Variants in SPTLC1 observed in about 807,000 individuals in gnomAD.
SPTLC1 encodes serine palmitoyltransferase long chain base subunit 1.
SPTLC1 carries 55 observed loss-of-function variants against 68.9 expected under a neutral mutation model. That is an observed-to-expected ratio of 0.80 (90% CI 0.64 to 1.00). The LOEUF (loss-of-function observed/expected upper bound fraction) is 1.00. SPTLC1 is among the 50% of genes least tolerant of loss of function. The pLI, the probability that SPTLC1 is intolerant of heterozygous loss-of-function variation, is 0.00. For synonymous variants in SPTLC1, 197 were observed against 201.6 expected (o/e 0.98, Z 0.19); for missense variants, 449 against 573.1 (o/e 0.78, Z 2.21).
intron 3 of SPTLC1, among the ~76,000 whole-genome samples, chr9:92,085,741 G>C (rs1178476013): frequency 4.6e-5 from 7 of 152,182 alleles, no homozygotes; most frequent in African/African-American, 1.7e-4. Context: ...GGAGAGTTCT[G>C]TAGATGTCTG....
chr9:92,112,595 A>G, intron 1 of SPTLC1, 33 bp from the exon 2 acceptor site: 1 of 1,375,688 alleles, frequency 7.3e-7, no homozygotes, highest in East Asian at 2.3e-5. Context: ...TAAGATATGA[A>G]ACATACACTT....
chr9:92,105,414 A>G, intron 3 of SPTLC1: 1 of 1,476,866 alleles, frequency 6.8e-7, no homozygotes, highest in Admixed American at 2.0e-5. Flanking sequence ...AGGAGAAAGA[A>G]GAGACAGCAG....
chr9:92,048,974 T>C (rs1433478122), intron 9 of SPTLC1, among the ~76,000 whole-genome samples: 2 of 152,222 alleles, frequency 1.3e-5, no homozygotes, highest in South Asian at 2.1e-4. Flanking sequence ...AGTTCAAGTT[T>C]TTTCCTCCAT....
At chr9:92,110,463 C>T (rs1449507735) in intron 2 of SPTLC1, 1 of 152,132 alleles carries the variant, frequency 6.6e-6, no homozygotes, top group Non-Finnish European at 1.5e-5. Context: ...CCATTCTAAT[C>T]CTAGGCCTAA....
At chr9:92,042,021 T>G (rs1270710030) in intron 12 of SPTLC1, among the ~76,000 whole-genome samples, 1 of 152,016 alleles carries the variant, frequency 6.6e-6, no homozygotes, top group Non-Finnish European at 1.5e-5. Context: ...AGTCCAGGAG[T>G]TTGAGGCTAT....
chr9:92,078,442 A>G (rs778070542), intron 5 of SPTLC1, among the ~76,000 whole-genome samples: 2 of 152,200 alleles, frequency 1.3e-5, no homozygotes, highest in Admixed American at 6.5e-5. Flanking sequence ...AATGGAAGTC[A>G]GGATACTTGG....
chr9:92,058,608 T>C (rs975384861), intron 7 of SPTLC1, among the ~76,000 whole-genome samples: 2 of 152,122 alleles, frequency 1.3e-5, no homozygotes, highest in African/African-American at 4.8e-5. Flanking sequence ...TATGTTAGGT[T>C]CTCGAGAGGA....
rs781435924 is a variant in SPTLC1 at position 92,059,229 on chromosome 9, T to C, written c.640A>G (p.Met214Val). 6.8e-6 allele frequency: 11 copies of C among 1,614,000 alleles called. No homozygotes were observed. The highest frequency in any genetic ancestry group is 6.7e-5 in the African/African-American group (5 of 74,946). The change falls in exon 7 of 15, where the codon ATG becomes GTG. Residue 214 changes from methionine (M) to valine (V), a missense_variant. Coordinates refer to ENST00000262554, the MANE Select transcript of SPTLC1 (RefSeq NM_006415.4). ...SDIKLFKHND[M>V]ADLERLLKEQ... ...TTTAGTAGTCGCTCGAGGTCAGCCA[T>C]GTCATTATGCTTAAATAACTTAATG...
intron 8 of SPTLC1, among the ~76,000 whole-genome samples, chr9:92,053,570 C>G (rs1017143254): frequency 6.6e-6 from 1 of 152,172 alleles, no homozygotes; most frequent in African/African-American, 2.4e-5. Flanking sequence ...ATGCAATGGA[C>G]TATAACTCAG....
intron 3 of SPTLC1, among the ~76,000 whole-genome samples, chr9:92,088,252 A>G (rs1564109029): frequency 6.6e-6 from 1 of 152,224 alleles, no homozygotes; most frequent in Non-Finnish European, 1.5e-5. Context: ...CGCTGCACCC[A>G]CTGTCCTGCG....
intron 4 of SPTLC1, 33 bp from the exon 5 acceptor site, chr9:92,080,121 ATTTATC>A (rs757313587): frequency 7.7e-6 from 12 of 1,563,524 alleles, no homozygotes; most frequent in Non-Finnish European, 9.7e-6. Flanking sequence ...TACTTTAATA[ATTTATC>A]TTTAAGAGTT....
intron 5 of SPTLC1, among the ~76,000 whole-genome samples, chr9:92,071,221 C>A (rs1404433179): frequency 2.2e-5 from 3 of 138,182 alleles, no homozygotes; most frequent in Non-Finnish European, 4.7e-5. Flanking sequence ...GAAACCCTAT[C>A]TCTACTAAAA....
At chr9:92,086,125 C>G (rs1835117824) in intron 3 of SPTLC1, among the ~76,000 whole-genome samples, 1 of 151,800 alleles carries the variant, frequency 6.6e-6, no homozygotes, top group Non-Finnish European at 1.5e-5. Context: ...TTATTTTGAG[C>G]CTATGTGTGT....
At position 92,031,300 on chromosome 9, in the gene SPTLC1, G is replaced by C. The variant is rs1230475556; in HGVS notation, c.*1165C>G. The C allele has an allele frequency of 6.6e-6, 1 of 152,546 alleles. No homozygotes were observed. Among genetic ancestry groups the C allele is most frequent in the Non-Finnish European group, 1.5e-5 (1 of 67,998 alleles). 9.4% of individuals were successfully genotyped at this position (152,546 alleles called of 1,614,324 possible). Reference sequence around the variant, plus strand: ...TAGAAACTGAACATTCAAAAAGTATGTGTTGTTTAAAAAGATGTTGAAGAC... The same window carrying C: ...TAGAAACTGAACATTCAAAAAGTATCTGTTGTTTAAAAAGATGTTGAAGAC... On this transcript the variant is annotated 3_prime_UTR_variant, in exon 15 of 15. Coordinates refer to ENST00000262554, the MANE Select transcript of SPTLC1 (RefSeq NM_006415.4).
intron 12 of SPTLC1, among the ~76,000 whole-genome samples, chr9:92,040,456 G>T (rs529558256): frequency 6.6e-6 from 1 of 152,002 alleles, no homozygotes; most frequent in African/African-American, 2.4e-5. Context: ...GAATCAAATG[G>T]CCTCAATTTT....
rs945839981 is a variant in SPTLC1 at position 92,090,468 on chromosome 9, C to T, written c.261-9505G>A. ...TACTAAAAATACAAAAAATATTAGC[C>T]GGGTGTGGTGGTGCATGCCTGTAAT... is the stretch of plus-strand genomic sequence containing the variant. On this transcript the variant is annotated intron_variant, in intron 3 of 14. Coordinates refer to ENST00000262554, the MANE Select transcript of SPTLC1 (RefSeq NM_006415.4). 2.6e-5 allele frequency among the ~76,000 whole-genome samples: 4 copies of T among 151,864 alleles called. No homozygotes were observed. In the South Asian group the frequency reaches 8.3e-4, roughly 32 times the overall value.
At chr9:92,111,492 C>T (rs2118836411) in intron 2 of SPTLC1, 1 of 152,280 alleles carries the variant, frequency 6.6e-6, no homozygotes, top group Middle Eastern at 3.4e-3. Flanking sequence ...ACGAACTTCA[C>T]CTATGACTCC....
At chr9:92,052,751 C>T (rs548307819) in intron 8 of SPTLC1, among the ~76,000 whole-genome samples, 3 of 151,950 alleles carry the variant, frequency 2.0e-5, no homozygotes, top group African/African-American at 7.2e-5. Flanking sequence ...AGGCTGGTCT[C>T]GAACTCCTGA....
chr9:92,055,302 C>T (rs926425339), intron 8 of SPTLC1, 103 bp downstream of exon 8: 86 of 1,562,804 alleles, frequency 5.5e-5, no homozygotes, highest in East Asian at 1.6e-4. Flanking sequence ...AGGCCTAATG[C>T]GCAAAGCAAC....
Sources: allele counts gnomAD v4.1 joint callset (sites outside exome capture counted in the v4.1 genomes callset), GRCh38; gene constraint gnomAD v4.1.1; transcripts MANE v1.5; gene names NCBI Gene and HGNC (gene_info 2026-07-23, HGNC 2026-07-21).